PAFAH1B2: variants seen among roughly 807,000 people sequenced by gnomAD.
PAFAH1B2 encodes platelet-activating factor acetylhydrolase IB subunit alpha2.
PAFAH1B2 carries 8 observed loss-of-function variants against 28.0 expected under a neutral mutation model. The observed-to-expected ratio is 0.29, with a 90% CI of 0.17 to 0.52. The LOEUF is 0.52. Ranked by LOEUF, PAFAH1B2 falls within the 20% of genes least tolerant of loss-of-function variation. PAFAH1B2 has a pLI of 0.97. For missense variants in PAFAH1B2, 190 were observed against 282.6 expected (o/e 0.67, Z 2.35); for synonymous variants, 104 against 103.2 (o/e 1.01, Z -0.05).
intron 4 of PAFAH1B2, among the ~76,000 whole-genome samples, chr11:117,163,361 C>A (rs1336193721): frequency 2.6e-5 from 4 of 152,144 alleles, no homozygotes; most frequent in Admixed American, 2.6e-4. Context: ...GTTTATCTTT[C>A]CTTCTTTGCT....
rs11860 is a variant in PAFAH1B2 at position 117,170,600 on chromosome 11, C to A, written c.*2901C>A. 1 of 1,051,318 alleles carries A rather than the reference C, an allele frequency of 9.5e-7. No homozygotes were observed. Among genetic ancestry groups the A allele is most frequent in the Non-Finnish European group, 1.1e-6 (1 of 873,676 alleles). The allele number at this position is 1,051,318 out of a possible 1,614,324, so 65.1% of individuals were successfully genotyped here. The stretch of plus-strand genomic sequence containing the variant: ...CAAAACAAATCTTGAGTAGCTCATG[C>A]CCGGCTCTTAGGAATTTTGTCTGTT... On this transcript the variant is annotated 3_prime_UTR_variant, in exon 6 of 6. Transcript: ENST00000527958.
At chr11:117,176,179 G>A (rs1269341596) in exon 6 of PAFAH1B2, 15 of 512,774 alleles carry the variant, frequency 2.9e-5, no homozygotes, top group Non-Finnish European at 4.5e-5. Context: ...ATGAGGGGTT[G>A]GCCAAGGAAA....
intron 1 of PAFAH1B2, among the ~76,000 whole-genome samples, chr11:117,146,867 TATTCG>T (rs1956023067): frequency 6.7e-6 from 1 of 149,384 alleles, no homozygotes; most frequent in African/African-American, 2.5e-5. Flanking sequence ...GTCAGGCAGC[TATTCG>T]GGAGGATCGC....
chr11:117,176,380 T>C (rs1307153980), exon 6 of PAFAH1B2: 1 of 237,634 alleles, frequency 4.2e-6, no homozygotes, highest in Non-Finnish European at 8.2e-6. Context: ...TAAATATTTA[T>C]TGCAGGAATG....
At chr11:117,144,887 C>G (rs1327050674) in intron 1 of PAFAH1B2, among the ~76,000 whole-genome samples, 1 of 152,216 alleles carries the variant, frequency 6.6e-6, no homozygotes, top group Non-Finnish European at 1.5e-5. Context: ...ACTTCTCACT[C>G]TTCTCTCCCC....
chr11:117,147,787 T>C (rs1956049058), intron 1 of PAFAH1B2, among the ~76,000 whole-genome samples: 1 of 152,246 alleles, frequency 6.6e-6, no homozygotes, highest in African/African-American at 2.4e-5. Flanking sequence ...GATCACCTTG[T>C]ATTCATAGCT....
rs550075777 is a variant in PAFAH1B2, at chr11:117,169,474, G to T, written c.*1775G>T. 1.9e-4 allele frequency: 194 copies of T among 1,018,342 alleles called. No homozygotes were observed. The African/African-American group carries it at 3.2e-3, about 17-fold the overall frequency. The allele number at this position is 1,018,342 out of a possible 1,614,324, so 63.1% of individuals were successfully genotyped here. A position where few individuals can be genotyped will look rare whatever the true frequency, so the allele number is the denominator to read the frequency against. ...TAACGTACTTGAAAGGCAAATTTCAGTGCTTTTGTATGTTGGAGGAGGGCT... is the reference window on the plus strand; with the variant it reads ...TAACGTACTTGAAAGGCAAATTTCATTGCTTTTGTATGTTGGAGGAGGGCT... On this transcript the variant is annotated 3_prime_UTR_variant, in exon 6 of 6. Transcript: ENST00000527958.
At chr11:117,173,836 A>T (rs1956723422), downstream of PAFAH1B2, among the ~76,000 whole-genome samples, 1 of 152,370 alleles carries the variant, frequency 6.6e-6, no homozygotes, top group East Asian at 1.9e-4. Context: ...AACTTGTATG[A>T]TGGAAAGAAG....
chr11:117,172,598 A>C (rs117764507), downstream of PAFAH1B2, among the ~76,000 whole-genome samples: 250 of 151,688 alleles, frequency 1.6e-3, 4 homozygotes, highest in East Asian at 0.041. Flanking sequence ...TCCACCCTTT[A>C]CTTTGAACTT....
intron 2 of PAFAH1B2, among the ~76,000 whole-genome samples, chr11:117,158,553 T>C (rs1168027320): frequency 6.6e-6 from 1 of 151,972 alleles, no homozygotes; most frequent in East Asian, 1.9e-4. Context: ...GAAAATGATA[T>C]AATACTTTAT....
downstream of PAFAH1B2, among the ~76,000 whole-genome samples, chr11:117,177,302 C>T (rs1326271909): frequency 6.6e-6 from 1 of 151,996 alleles, no homozygotes; most frequent in Non-Finnish European, 1.5e-5. Context: ...AATTTAAGAA[C>T]CACTCACAAT....
In PAFAH1B2 at chr11:117,170,442, C is replaced by G. The variant is rs1228602326; in HGVS notation, c.*2743C>G. The G allele has an allele frequency of 1.9e-6, 2 of 1,059,450 alleles. No homozygotes were observed. The highest frequency in any genetic ancestry group is 2.3e-6 in the Non-Finnish European group (2 of 876,346). The allele number at this position is 1,059,450 out of a possible 1,614,324, so 65.6% of individuals were successfully genotyped here. A position where few individuals can be genotyped will look rare whatever the true frequency, so the allele number is the denominator to read the frequency against. On this transcript the variant is annotated 3_prime_UTR_variant, in exon 6 of 6. Coordinates refer to ENST00000527958, the MANE Select transcript of PAFAH1B2 (RefSeq NM_002572.4). ...TTGAAGATGTACTGCCACGGGTGATCTAGGGCAGGCTGTCTTCCAGTCCAT... is the reference window on the plus strand; with the variant it reads ...TTGAAGATGTACTGCCACGGGTGATGTAGGGCAGGCTGTCTTCCAGTCCAT...
intron 2 of PAFAH1B2, among the ~76,000 whole-genome samples, chr11:117,156,444 G>A (rs894834464): frequency 2.0e-5 from 3 of 152,056 alleles, no homozygotes; most frequent in East Asian, 3.9e-4. Context: ...TTGAATGTTG[G>A]TTTTTCTGGC....
intron 2 of PAFAH1B2, among the ~76,000 whole-genome samples, chr11:117,153,178 T>C (rs2134179177): frequency 6.6e-6 from 1 of 152,356 alleles, no homozygotes; most frequent in Admixed American, 6.5e-5. Flanking sequence ...AAATGTAATG[T>C]TACAAATGTC....
intron 1 of PAFAH1B2, among the ~76,000 whole-genome samples, chr11:117,148,056 C>CTTTTTTTTTTT (rs201878667): frequency 2.3e-5 from 3 of 129,570 alleles, no homozygotes; most frequent in Non-Finnish European, 5.0e-5. Flanking sequence ...TTTTTTTTTT[C>CTTTTTTTTTTT]TTTTTTTTTT....
chr11:117,167,845 T>C lies in PAFAH1B2; in HGVS notation c.*146T>C. On this transcript the variant is annotated 3_prime_UTR_variant, in exon 6 of 6. Coordinates refer to ENST00000527958, the MANE Select transcript of PAFAH1B2 (RefSeq NM_002572.4). ...TCTAGTGTTTGAAGGGGAGGAGGGA[T>C]TTAAACTGGTCCTGTACATAGAAGG... The C allele has an allele frequency of 7.9e-7, 1 of 1,269,260 alleles. No individual in the cohort carries two copies. Among genetic ancestry groups the C allele is most frequent in the South Asian group, 3.4e-5 (1 of 29,116 alleles). 78.6% of individuals were successfully genotyped at this position (1,269,260 alleles called of 1,614,324 possible). A position where few individuals can be genotyped will look rare whatever the true frequency, so the allele number is the denominator to read the frequency against.
In PAFAH1B2 at chr11:117,169,012, A is replaced by T. The variant is rs1385697838; in HGVS notation, c.*1313A>T. ...CGCCATGTTAACCAGGCTGGTCTCG[A>T]ACTCCTGACCTCAGGTGATCTGCCC... On this transcript the variant is annotated 3_prime_UTR_variant, in exon 6 of 6. Coordinates refer to ENST00000527958, the MANE Select transcript of PAFAH1B2 (RefSeq NM_002572.4). The T allele has an allele frequency of 6.2e-6, 3 of 482,482 alleles. No homozygotes were observed. The African/African-American group carries it at 6.2e-5, about 10-fold the overall frequency. 29.9% of individuals were successfully genotyped at this position (482,482 alleles called of 1,614,324 possible).
chr11:117,158,469 A>G (rs920570084), intron 2 of PAFAH1B2, among the ~76,000 whole-genome samples: 3 of 152,162 alleles, frequency 2.0e-5, no homozygotes, highest in African/African-American at 7.2e-5. Flanking sequence ...GGTGTCTCAC[A>G]TTTGGAAGTT....
chr11:117,157,287 AATATAT>A (rs34197273), intron 2 of PAFAH1B2, among the ~76,000 whole-genome samples: 1 of 148,870 alleles, frequency 6.7e-6, no homozygotes, highest in African/African-American at 2.5e-5. Flanking sequence ...TAAATAAATG[AATATAT>A]ATATATATAT....
Sources: gnomAD v4.1 joint callset for allele counts (sites outside exome capture counted in the v4.1 genomes callset) on GRCh38, gnomAD v4.1.1 for gene constraint, MANE v1.5 for transcripts, NCBI Gene and HGNC (gene_info 2026-07-23, HGNC 2026-07-21) for gene names.